SYN1: variants seen among roughly 807,000 people sequenced by gnomAD.
SYN1 encodes the protein synapsin I.
Under a neutral mutation model 44.6 loss-of-function variants are expected in SYN1, and 8 were observed. The ratio of observed to expected loss-of-function variants is 0.18; its 90% CI spans 0.11 to 0.32. The LOEUF (loss-of-function observed/expected upper bound fraction) is 0.32. Ranked by LOEUF, SYN1 falls within the 10% of genes least tolerant of loss-of-function variation. SYN1 has a pLI of 1.00. For synonymous variants in SYN1, 275 were observed against 280.1 expected, an observed-to-expected ratio of 0.98 and a Z score of 0.18; for missense variants, 451 against 639.4, an observed-to-expected ratio of 0.71 and a Z score of 3.18.
At chrX:47,585,341 C>G in intron 5 of SYN1, 1 of 1,211,289 alleles carries the variant, frequency 8.3e-7, no homozygotes, top group Non-Finnish European at 1.1e-6. Flanking sequence ...GGTGAGGCAC[C>G]GTCCCCGCGC....
intron 12 of SYN1, 90 bp from the exon 13 acceptor site, chrX:47,573,089 C>G: frequency 1.8e-6 from 2 of 1,090,509 alleles, no homozygotes; most frequent in Non-Finnish European, 2.5e-6. Flanking sequence ...CAGGCCCAGC[C>G]CCAGCCCTGC....
rs1381739721 is a variant in SYN1 at position 47,575,214 on chromosome X, C to T, written c.1219G>A (p.Val407Ile). The T allele has an allele frequency of 1.7e-6, 2 of 1,204,212 alleles. No homozygotes were observed. Among genetic ancestry groups the T allele is most frequent in the African/African-American group, 1.7e-5 (1 of 57,357 alleles). ...DHQDEDKQLIVELVVNKMAQA... is the reference protein window; with the variant it reads ...DHQDEDKQLIIELVVNKMAQA... The stretch of plus-strand genomic sequence containing the variant: ...GCCATCTTGTTGACCACGAGCTCTA[C>T]GATGAGCTGTTTGTCTTCATCCTGG... The change falls in exon 10 of 13, where the codon GTA becomes ATA. Residue 407 changes from valine to isoleucine, a missense_variant. By Grantham distance (29) the Val-to-Ile change is conservative. Coordinates refer to ENST00000295987, the MANE Select transcript of SYN1 (RefSeq NM_006950.3).
At chrX:47,616,946 A>G (rs2057933104) in intron 1 of SYN1, among the ~76,000 whole-genome samples, 1 of 111,002 alleles carries the variant, frequency 9.0e-6, no homozygotes, top group African/African-American at 3.3e-5. Context: ...CAGGGTTCTC[A>G]GTAGTATACG....
At chrX:47,589,102 C>T (rs746846012) in intron 5 of SYN1, among the ~76,000 whole-genome samples, 123 of 108,369 alleles carry the variant, frequency 1.1e-3, no homozygotes, top group Non-Finnish European at 1.6e-3. Context: ...GAGTTCAAGA[C>T]GAGCCTGGCC....
chrX:47,584,788 A>G, intron 5 of SYN1: 1 of 485,121 alleles, frequency 2.1e-6, no homozygotes. Flanking sequence ...TCAATGAACA[A>G]ATGTGTAAAT....
chrX:47,594,269 C>T (rs2057857133), intron 5 of SYN1, among the ~76,000 whole-genome samples: 1 of 108,213 alleles, frequency 9.2e-6, no homozygotes, highest in Non-Finnish European at 1.9e-5. Flanking sequence ...CAGTGGCTCA[C>T]GTCTGTAATC....
chrX:47,606,869 T>C, intron 3 of SYN1, 76 bp downstream of exon 3: 1 of 1,000,152 alleles, frequency 1.0e-6, no homozygotes, highest in Non-Finnish European at 1.4e-6. Context: ...GGTGGGGAGG[T>C]AGGAACTTTC....
intron 5 of SYN1, among the ~76,000 whole-genome samples, chrX:47,581,532 C>T (rs1166911324): frequency 8.9e-6 from 1 of 111,878 alleles, no homozygotes; most frequent in Non-Finnish European, 1.9e-5. Context: ...CATTCACCCG[C>T]ACCATTCCCT....
At chrX:47,605,512 G>T in intron 3 of SYN1, 133 bp from the exon 4 acceptor site, 1 of 799,881 alleles carries the variant, frequency 1.3e-6, no homozygotes, top group Non-Finnish European at 1.8e-6. Context: ...GCACACATGT[G>T]TGAGCTGTTC....
intron 5 of SYN1, among the ~76,000 whole-genome samples, chrX:47,597,335 CA>C (rs759461408): frequency 0.011 from 525 of 48,932 alleles, 3 homozygotes; most frequent in African/African-American, 0.026. Flanking sequence ...AACTCCATCT[CA>C]AAAAAAAAAA....
At position 47,607,239 on chromosome X, in the gene SYN1, C is replaced by G. The variant is rs753644443; in HGVS notation, c.378-41G>C. The G allele has an allele frequency of 2.5e-6, 3 of 1,177,389 alleles. No homozygotes were observed. The East Asian group carries it at 8.9e-5, about 35-fold the overall frequency. On this transcript the variant is annotated intron_variant, in intron 1 of 12. Transcript: ENST00000295987. Reference sequence around the variant, plus strand: ...AACACATCTGTCAATGATGAAATCTCAGAAGGGAAGACAAAACACAGGCCC... The same window carrying G: ...AACACATCTGTCAATGATGAAATCTGAGAAGGGAAGACAAAACACAGGCCC...
chrX:47,614,497 T>C (rs73206142), intron 1 of SYN1, among the ~76,000 whole-genome samples: 29,865 of 110,654 alleles, frequency 0.27, 3,070 homozygotes, highest in Admixed American at 0.32. Context: ...GCAGAGACTA[T>C]GGCTCATCTC....
At chrX:47,585,168 G>T (rs774540613) in intron 5 of SYN1, 1 of 1,168,635 alleles carries the variant, frequency 8.6e-7, no homozygotes, top group South Asian at 2.0e-5. Context: ...GGAGGATTAT[G>T]TCAGTAAAAG....
At position 47,619,523 on chromosome X, in the gene SYN1, C is replaced by G; in HGVS notation, c.206G>C (p.Gly69Ala). Residue 69 changes from glycine (G) to alanine (A), a missense_variant, in exon 1 of 13, where the codon GGG becomes GCG. Gly to Ala is a moderately conservative substitution (Grantham distance 60). This residue lies in a region of SYN1 where 315 missense variants were observed against 451.4 expected (regional missense o/e 0.70). Coordinates refer to ENST00000295987, the MANE Select transcript of SYN1 (RefSeq NM_006950.3). ...GAAGAAGCCACCGCCCCCCGAGGACCCGGGGCTAGGGGCGGCCGGAGAGGC... is the reference window on the plus strand; with the variant it reads ...GAAGAAGCCACCGCCCCCCGAGGACGCGGGGCTAGGGGCGGCCGGAGAGGC... ...PAASPAAPSP[G>A]SSGGGGFFSS... is the part of the protein sequence containing the mutation. 1 of 1,197,684 alleles carries G rather than the reference C, an allele frequency of 8.3e-7. No individual in the cohort carries two copies. Among genetic ancestry groups the G allele is most frequent in the African/African-American group, 1.7e-5 (1 of 57,264 alleles).
At chrX:47,583,258 T>TA in intron 5 of SYN1, 1 of 379,086 alleles carries the variant, frequency 2.6e-6, no homozygotes, top group Non-Finnish European at 4.5e-6. Flanking sequence ...CCAATCCCCT[T>TA]AAAATCCCTA....
intron 1 of SYN1, among the ~76,000 whole-genome samples, chrX:47,610,349 C>T (rs748618259): frequency 3.6e-5 from 4 of 110,005 alleles, no homozygotes; most frequent in African/African-American, 1.3e-4. Context: ...ACTGGGCCTG[C>T]TGAAGTAGAC....
chrX:47,610,413 C>T (rs760004499), intron 1 of SYN1, among the ~76,000 whole-genome samples: 20 of 108,991 alleles, frequency 1.8e-4, no homozygotes, highest in Non-Finnish European at 3.6e-4. Flanking sequence ...GCAGAGGCCT[C>T]GGATGATGCA....
At chrX:47,586,307 C>G (rs1174701104) in intron 5 of SYN1, 4 of 752,932 alleles carry the variant, frequency 5.3e-6, no homozygotes, top group Non-Finnish European at 6.3e-6. Flanking sequence ...ATTCCCCAGC[C>G]ACCATTCCAG....
intron 5 of SYN1, among the ~76,000 whole-genome samples, chrX:47,603,907 T>TA (rs369551187): frequency 0.22 from 18,073 of 80,581 alleles, 1,881 homozygotes; most frequent in East Asian, 0.32. Context: ...TATATATATA[T>TA]TTTTTTTTTT....
Sources: allele counts gnomAD v4.1 joint callset (sites outside exome capture counted in the v4.1 genomes callset), GRCh38; gene constraint gnomAD v4.1.1; regional missense constraint gnomAD v4.1.1; transcripts MANE v1.5; gene names NCBI Gene and HGNC (gene_info 2026-07-23, HGNC 2026-07-21).